Variants in PLXNA4 observed in about 807,000 individuals in gnomAD.
PLXNA4 encodes plexin-A4.
PLXNA4 carries 44 observed loss-of-function variants against 191.8 expected under a neutral mutation model. The observed-to-expected ratio is 0.23, with a 90% CI of 0.18 to 0.29. The LOEUF (loss-of-function observed/expected upper bound fraction) is 0.29, where lower values mean the gene tolerates loss of function less well. Ranked by LOEUF, PLXNA4 falls within the 10% of genes least tolerant of loss-of-function variation. PLXNA4 has a pLI of 1.00. For missense variants in PLXNA4, 1,800 were observed against 2,488.8 expected (o/e 0.72, Z 5.89); for synonymous variants, 1,082 against 1,009.5 (o/e 1.07, Z -1.36).
In PLXNA4 at chr7:132,557,129, A is replaced by G. The variant is rs140714048; in HGVS notation, c.-87+19293T>C. On this transcript the variant is annotated intron_variant, in intron 1 of 31. Transcript: ENST00000321063. ...GGGGGCTGCCCAGAAACCCTGCCAC[A>G]TGAATGAATTTTGACATTGGGCTTT... Among the ~76,000 whole-genome samples the G allele has an allele frequency of 2.2e-3, 341 of 152,356 alleles. 2 individuals are homozygous for G. Among genetic ancestry groups the G allele is most frequent in the African/African-American group, 7.9e-3 (327 of 41,574 alleles).
At chr7:132,241,641 A>G (rs774339838) in intron 4 of PLXNA4, among the ~76,000 whole-genome samples, 15 of 152,114 alleles carry the variant, frequency 9.9e-5, no homozygotes, top group Non-Finnish European at 2.1e-4. Context: ...GCTGCTCCAG[A>G]GAGCATTTAG....
rs764453418 is a variant in PLXNA4 at position 132,145,207 on chromosome 7, T to C, written c.5137A>G (p.Ile1713Val). The change falls in exon 29 of 32, where the codon ATC (isoleucine) becomes GTC (valine). Residue 1713 changes from isoleucine (I) to valine (V), a missense_variant. Transcript: ENST00000321063. ...AHRGSALPLA[I>V]KYMFDFLDEQ... The stretch of plus-strand genomic sequence containing the variant: ...TCCAGGAAGTCAAACATGTACTTGA[T>C]GGCCAGGGGCAGGGCAGAGCCACGG... 6.2e-7 allele frequency: 1 copy of C among 1,614,224 alleles called. No homozygotes were observed. The highest frequency in any genetic ancestry group is 1.1e-5 in the South Asian group (1 of 91,088).
chr7:132,373,076 T>C (rs1347864372), intron 3 of PLXNA4, among the ~76,000 whole-genome samples: 3 of 152,328 alleles, frequency 2.0e-5, no homozygotes, highest in East Asian at 1.9e-4. Flanking sequence ...CAAAATACTA[T>C]GTCGTTGGTA....
chr7:132,423,400 G>T (rs1794919827), intron 3 of PLXNA4, among the ~76,000 whole-genome samples: 1 of 152,126 alleles, frequency 6.6e-6, no homozygotes, highest in African/African-American at 2.4e-5. Context: ...TCCTCCCTCA[G>T]GGCTCCAAAC....
chr7:132,474,807 C>T (rs1374718936), intron 3 of PLXNA4, among the ~76,000 whole-genome samples: 1 of 152,156 alleles, frequency 6.6e-6, no homozygotes, highest in Non-Finnish European at 1.5e-5. Context: ...AGTCTGAAGA[C>T]TCTTCTTAGA....
chr7:132,291,874 A>C (rs923735616), intron 4 of PLXNA4, among the ~76,000 whole-genome samples: 4 of 152,206 alleles, frequency 2.6e-5, no homozygotes, highest in Non-Finnish European at 4.4e-5. Flanking sequence ...AGTTCACTGC[A>C]ACCTCCGCCT....
chr7:132,494,894 A>G (rs1405195258), intron 2 of PLXNA4, among the ~76,000 whole-genome samples: 1 of 152,124 alleles, frequency 6.6e-6, no homozygotes, highest in Non-Finnish European at 1.5e-5. Context: ...GCCACTGCCC[A>G]AGGACCCCAG....
chr7:132,567,163 G>A (rs1021643025), intron 1 of PLXNA4, among the ~76,000 whole-genome samples: 10 of 152,038 alleles, frequency 6.6e-5, no homozygotes, highest in African/African-American at 1.4e-4. Context: ...CCTTTAATTC[G>A]CCCTTATGCA....
At chr7:132,322,619 A>G (rs1237911582) in intron 3 of PLXNA4, among the ~76,000 whole-genome samples, 1 of 152,120 alleles carries the variant, frequency 6.6e-6, no homozygotes, top group African/African-American at 2.4e-5. Flanking sequence ...TCTCAGGACC[A>G]TTCTCTAGTT....
chr7:132,253,022 C>T (rs185591442), intron 4 of PLXNA4, among the ~76,000 whole-genome samples: 40 of 152,224 alleles, frequency 2.6e-4, no homozygotes, highest in African/African-American at 9.4e-4. Context: ...ATATGCAAAC[C>T]TCGTGCAAAG....
At chr7:132,446,395 C>A (rs1795913423) in intron 3 of PLXNA4, among the ~76,000 whole-genome samples, 1 of 152,254 alleles carries the variant, frequency 6.6e-6, no homozygotes, top group Middle Eastern at 3.4e-3. Flanking sequence ...CTATCTGCCC[C>A]AAGTCTCACT....
intron 2 of PLXNA4, among the ~76,000 whole-genome samples, chr7:132,618,735 C>T (rs1803204462): frequency 1.3e-5 from 2 of 152,086 alleles, no homozygotes; most frequent in African/African-American, 4.8e-5. Flanking sequence ...TCTGTTTAGC[C>T]CCCATGAAAT....
upstream of PLXNA4, among the ~76,000 whole-genome samples, chr7:132,580,023 T>C (rs1802372658): frequency 6.6e-6 from 1 of 152,146 alleles, no homozygotes; most frequent in African/African-American, 2.4e-5. Context: ...CTTTACAATT[T>C]GGAGCGGGTC....
At chr7:132,252,303 T>C (rs1020858006) in intron 4 of PLXNA4, among the ~76,000 whole-genome samples, 1 of 20,132 alleles carries the variant, frequency 5.0e-5, no homozygotes, top group Non-Finnish European at 9.3e-5. Context: ...CTAAAAGTTT[T>C]TTTTTTTTTT....
At position 132,202,810 on chromosome 7, in the gene PLXNA4, G is replaced by A; in HGVS notation, c.2422C>T (p.Arg808Cys). The A allele has an allele frequency of 6.2e-7, 1 of 1,600,412 alleles. No homozygotes were observed. The highest frequency in any genetic ancestry group is 2.2e-5 in the East Asian group (1 of 44,560). Residue 808 changes from arginine (R) to cysteine (C), a missense_variant, in exon 12 of 32, where the codon CGT (arginine) becomes TGT (cysteine). Transcript: ENST00000321063. Reference protein sequence around the residue: ...KVHLYKCGAMRESCGLCLKAD... With the variant: ...KVHLYKCGAMCESCGLCLKAD... ...TTGAGGCACAGCCCGCAGCTCTCAC[G>A]CATGGCTCCACACTTGTAGAGGTGA...
intron 3 of PLXNA4, among the ~76,000 whole-genome samples, chr7:132,418,235 G>C (rs1429652586): frequency 6.6e-6 from 1 of 152,118 alleles, no homozygotes; most frequent in Non-Finnish European, 1.5e-5. Flanking sequence ...ACTCAGGAAA[G>C]GTTCTCCTCT....
chr7:132,572,465 G>C (rs189208147), intron 1 of PLXNA4, among the ~76,000 whole-genome samples: 1 of 152,350 alleles, frequency 6.6e-6, no homozygotes, highest in Admixed American at 6.5e-5. Context: ...CACAGGACCG[G>C]ACAAGTGTGT....
intron 3 of PLXNA4, among the ~76,000 whole-genome samples, chr7:132,321,523 A>G (rs1284505843): frequency 6.6e-6 from 1 of 152,120 alleles, no homozygotes; most frequent in Non-Finnish European, 1.5e-5. Flanking sequence ...CACCTCTGAC[A>G]TCTGCTGTCC....
rs1244388990 is a variant in PLXNA4, at chr7:132,358,399, A to G, written c.1372-60177T>C. On this transcript the variant is annotated intron_variant, in intron 3 of 31. Transcript: ENST00000321063. ...TCTTTTGGGGGAGAGCAAAGTTTTA[A>G]GAAAAGATATTGCCTGCCAGTGTAG... is the stretch of plus-strand genomic sequence containing the variant. Among the ~76,000 whole-genome samples, 3 of 152,224 alleles carry G rather than the reference A, an allele frequency of 2.0e-5. No homozygotes were observed. The East Asian group carries it at 5.8e-4, about 29-fold the overall frequency.
Sources: gnomAD v4.1 joint callset for allele counts (sites outside exome capture counted in the v4.1 genomes callset) on GRCh38, gnomAD v4.1.1 for gene constraint, MANE v1.5 for transcripts, NCBI Gene and HGNC (gene_info 2026-07-23, HGNC 2026-07-21) for gene names.